The following CAPSL variants were observed in gnomAD, a reference collection of about 807,000 sequenced individuals.
CAPSL encodes calcyphosin-like protein.
Under a neutral mutation model 21.3 loss-of-function variants are expected in CAPSL, and 17 were observed. The ratio of observed to expected loss-of-function variants is 0.80; its 90% CI spans 0.55 to 1.20. The LOEUF (loss-of-function observed/expected upper bound fraction) is 1.20. Ranked by LOEUF, CAPSL falls within the 50% of genes most tolerant of loss-of-function variation. CAPSL has a pLI of 0.00. For missense variants in CAPSL, 289 were observed against 259.3 expected (o/e 1.11, Z -0.79); for synonymous variants, 102 against 89.3 (o/e 1.14, Z -0.80).
At chr5:35,908,845 C>T (rs997455530) in intron 4 of CAPSL, among the ~76,000 whole-genome samples, 2 of 152,178 alleles carry the variant, frequency 1.3e-5, no homozygotes, top group Non-Finnish European at 2.9e-5. Context: ...GCTAATGAGA[C>T]TCATCATGAA....
intron 2 of CAPSL, among the ~76,000 whole-genome samples, chr5:35,912,988 A>G (rs1358102033): frequency 6.6e-6 from 1 of 152,232 alleles, no homozygotes; most frequent in Non-Finnish European, 1.5e-5. Flanking sequence ...GTCTAACTAG[A>G]AAACCACTGC....
Position 35,910,404 on chromosome 5 carries a change from C to A in CAPSL, c.277G>T (p.Gly93Ter), listed in dbSNP as rs1738184126. ...AGAAATTCATTGAAGTCTATTGTTC[C>A]ATTTCCATCTTTATCAAACCTCCGG... Reference protein sequence around the residue: ...LFRRFDKDGNGTIDFNEFLLT... With the variant: ...LFRRFDKDGN The change falls in exon 3 of 5, where the codon GGA becomes TGA. Residue 93 changes from glycine (G) to a stop codon, truncating the protein, a stop_gained. Coordinates refer to ENST00000651391, the MANE Select transcript of CAPSL (RefSeq NM_001042625.2). LOFTEE classifies it high-confidence loss of function. 2 of 1,613,806 alleles carry A rather than the reference C, an allele frequency of 1.2e-6. No homozygotes were observed. Among genetic ancestry groups the A allele is most frequent in the Admixed American group, 1.7e-5 (1 of 59,978 alleles).
intron 2 of CAPSL, among the ~76,000 whole-genome samples, chr5:35,911,513 A>G (rs1414431632): frequency 6.6e-6 from 1 of 152,224 alleles, no homozygotes; most frequent in Non-Finnish European, 1.5e-5. Flanking sequence ...ATCCTACAAA[A>G]TACTTGACCT....
In CAPSL at chr5:35,920,969, G is replaced by C; in HGVS notation, c.137+15C>G. The C allele has an allele frequency of 6.2e-7, 1 of 1,612,724 alleles. No homozygotes were observed. Among genetic ancestry groups the C allele is most frequent in the Non-Finnish European group, 8.5e-7 (1 of 1,179,510 alleles). On this transcript the variant is annotated intron_variant, in intron 2 of 4. Transcript: ENST00000651391. ...CTTCCCGCTCCATTCCCTGCCACTT[G>C]TAGCTGGGTCCTACCTGCCAAGTCC...
intron 1 of CAPSL, among the ~76,000 whole-genome samples, chr5:35,924,809 G>T (rs1738630633): frequency 6.6e-6 from 1 of 152,208 alleles, no homozygotes; most frequent in Admixed American, 6.5e-5. Context: ...GAAGGGAAAA[G>T]TTTATTAAGC....
At chr5:35,923,121 G>C (rs1435358985) in intron 1 of CAPSL, among the ~76,000 whole-genome samples, 2 of 152,182 alleles carry the variant, frequency 1.3e-5, no homozygotes, top group East Asian at 1.9e-4. Context: ...CCCAATGGCT[G>C]TCCCCAGCCA....
chr5:35,937,866 C>CTACTTAA (rs1322122882), intron 1 of CAPSL, among the ~76,000 whole-genome samples: 1 of 150,090 alleles, frequency 6.7e-6, no homozygotes, highest in Non-Finnish European at 1.5e-5. Flanking sequence ...AGAATTTCAT[C>CTACTTAA]TACTTAATAT....
chr5:35,920,151 C>A (rs1257625767), intron 2 of CAPSL, among the ~76,000 whole-genome samples: 1 of 152,168 alleles, frequency 6.6e-6, no homozygotes, highest in Non-Finnish European at 1.5e-5. Context: ...CACTCAGTAC[C>A]TTGCTGGAAG....
At chr5:35,927,853 A>G (rs1738724107) in intron 1 of CAPSL, among the ~76,000 whole-genome samples, 1 of 152,264 alleles carries the variant, frequency 6.6e-6, no homozygotes, top group South Asian at 2.1e-4. Context: ...ACTACACGGT[A>G]GATGGCAAAA....
intron 2 of CAPSL, among the ~76,000 whole-genome samples, chr5:35,913,594 A>G (rs1367084992): frequency 1.3e-5 from 2 of 152,206 alleles, no homozygotes; most frequent in African/African-American, 2.4e-5. Flanking sequence ...AGAATTTCGT[A>G]TCCAGCCAAA....
At chr5:35,920,201 C>T (rs1403611545) in intron 2 of CAPSL, among the ~76,000 whole-genome samples, 1 of 152,118 alleles carries the variant, frequency 6.6e-6, no homozygotes, top group Non-Finnish European at 1.5e-5. Context: ...GCTAGATTTC[C>T]CTCCCATTGG....
intron 1 of CAPSL, among the ~76,000 whole-genome samples, chr5:35,924,041 C>T (rs1176971017): frequency 1.3e-5 from 2 of 151,980 alleles, no homozygotes; most frequent in Non-Finnish European, 2.9e-5. Flanking sequence ...TTAAAGTGTG[C>T]TGGGCACGTA....
At chr5:35,934,705 C>A (rs1421667330) in intron 1 of CAPSL, among the ~76,000 whole-genome samples, 1 of 152,180 alleles carries the variant, frequency 6.6e-6, no homozygotes, top group Non-Finnish European at 1.5e-5. Context: ...CCTCCTTTTG[C>A]CCCTTTAAGG....
At chr5:35,913,431 G>GA (rs753296873) in intron 2 of CAPSL, among the ~76,000 whole-genome samples, 3 of 152,018 alleles carry the variant, frequency 2.0e-5, no homozygotes, top group African/African-American at 7.2e-5. Flanking sequence ...TGGAAATAAG[G>GA]AAAAAATGTT....
At chr5:35,929,279 CT>C (rs10574026) in intron 1 of CAPSL, among the ~76,000 whole-genome samples, 44,066 of 117,290 alleles carry the variant, frequency 0.38, 7,189 homozygotes, top group East Asian at 0.63. Context: ...AAAACAGTTC[CT>C]TTTTTTTTTT....
At chr5:35,916,046 G>A (rs1448955117) in intron 2 of CAPSL, among the ~76,000 whole-genome samples, 1 of 150,752 alleles carries the variant, frequency 6.6e-6, no homozygotes, top group Non-Finnish European at 1.5e-5. Flanking sequence ...TGCAAAAATC[G>A]CAAGCATTCT....
rs187114873 is a variant in CAPSL, at chr5:35,914,244, C to T, written c.138-3701G>A. Among the ~76,000 whole-genome samples the T allele has an allele frequency of 3.2e-3, 489 of 152,186 alleles. 3 individuals are homozygous for T. Among genetic ancestry groups the T allele is most frequent in the African/African-American group, 0.011 (470 of 41,512 alleles). On this transcript the variant is annotated intron_variant, in intron 2 of 4. Coordinates refer to ENST00000651391, the MANE Select transcript of CAPSL (RefSeq NM_001042625.2). ...GAAACCTACAAAGAGACTTAGACTC[C>T]CACACAATAATAATGGGAGACTTTA...
At chr5:35,922,847 C>A (rs1738573749) in intron 1 of CAPSL, among the ~76,000 whole-genome samples, 1 of 152,188 alleles carries the variant, frequency 6.6e-6, no homozygotes, top group African/African-American at 2.4e-5. Context: ...TTATTAACAG[C>A]CAGAATCCTG....
intron 1 of CAPSL, among the ~76,000 whole-genome samples, chr5:35,937,313 G>A (rs563506084): frequency 6.6e-6 from 1 of 152,276 alleles, no homozygotes; most frequent in South Asian, 2.1e-4. Flanking sequence ...AAAGTTCTTA[G>A]CATTGAATTC....
Sources: gnomAD v4.1 joint callset for allele counts (sites outside exome capture counted in the v4.1 genomes callset) on GRCh38, gnomAD v4.1.1 for gene constraint, MANE v1.5 for transcripts, NCBI Gene and HGNC (gene_info 2026-07-23, HGNC 2026-07-21) for gene names.